The following UTRN variants were observed in gnomAD, a reference collection of about 807,000 sequenced individuals.
The protein encoded by UTRN is utrophin, also known as dystrophin-related protein 1.
In UTRN, 283 loss-of-function variants were observed where a neutral mutation model predicts 463.9. That is an observed-to-expected ratio of 0.61 (90% CI 0.55 to 0.67). The LOEUF is 0.67. UTRN is among the 30% of genes least tolerant of loss of function. The pLI, the probability that UTRN is intolerant of heterozygous loss-of-function variation, is 0.00. For missense variants in UTRN, 3,922 were observed against 4,084.3 expected, an observed-to-expected ratio of 0.96 and a Z score of 1.08; for synonymous variants, 1,442 against 1,431.5, an observed-to-expected ratio of 1.01 and a Z score of -0.17.
Position 144,286,146 on chromosome 6 carries a change from A to G in UTRN, c.-93+325A>G, listed in dbSNP as rs1007659552. On this transcript the variant is annotated intron_variant, in intron 1 of 74. Transcript: ENST00000367545. This position sits in a 1 kb window ranked among gnomAD's most constrained non-coding sequence, Gnocchi z 4.4. ...TCTGTGCTGCCTCCCTGCTCCCCTA[A>G]TCTTCCTCCCCGCCGGGGTGACAGA... Among the ~76,000 whole-genome samples the G allele has an allele frequency of 3.3e-5, 5 of 151,904 alleles. No homozygotes were observed. Among genetic ancestry groups the G allele is most frequent in the Non-Finnish European group, 5.9e-5 (4 of 67,970 alleles).
At chr6:144,650,380 G>A (rs1778685339) in intron 51 of UTRN, among the ~76,000 whole-genome samples, 1 of 152,184 alleles carries the variant, frequency 6.6e-6, no homozygotes, top group African/African-American at 2.4e-5. Flanking sequence ...TTTAAGTAGT[G>A]TGTATATGTG....
In UTRN at chr6:144,596,952, G is replaced by A. The variant is rs77660481; in HGVS notation, c.7479+19664G>A. Among the ~76,000 whole-genome samples the A allele has an allele frequency of 1.6e-3, 240 of 152,242 alleles. 7 individuals are homozygous for A. In the East Asian group the frequency reaches 0.042, roughly 27 times the overall value. On this transcript the variant is annotated intron_variant, in intron 51 of 74. Coordinates refer to ENST00000367545, the MANE Select transcript of UTRN (RefSeq NM_007124.3). ...GACAAGTGCAAAATGGCTTAAAAGT[G>A]CCTTGGCTAGGCACAGTGGCTCACA... is the stretch of plus-strand genomic sequence containing the variant.
chr6:144,458,864 G>C lies in UTRN; in HGVS notation c.2379G>C (p.Lys793Asn), dbSNP rs1404786551. 1 of 1,613,616 alleles carries C rather than the reference G, an allele frequency of 6.2e-7. No homozygotes were observed. Residue 793 changes from lysine (K) to asparagine (N), a missense_variant, in exon 20 of 75, where the codon AAG becomes AAC. Lys to Asn is a moderately conservative substitution (Grantham distance 94, BLOSUM62 0). Coordinates refer to ENST00000367545, the MANE Select transcript of UTRN (RefSeq NM_007124.3). Reference protein sequence around the residue: ...VSQHLEDLERKIQLQEDINAY... With the variant: ...VSQHLEDLERNIQLQEDINAY... Reference sequence around the variant, plus strand: ...AACATTTGGAAGATCTAGAAAGAAAGATTCAGCTACAGGAAGATATAAATG... The same window carrying C: ...AACATTTGGAAGATCTAGAAAGAAACATTCAGCTACAGGAAGATATAAATG...
intron 2 of UTRN, among the ~76,000 whole-genome samples, chr6:144,354,212 C>A (rs937539177): frequency 4.6e-5 from 7 of 152,076 alleles, no homozygotes; most frequent in Admixed American, 2.0e-4. Flanking sequence ...TAAACTGACA[C>A]CCTGACAATA....
intron 1 of UTRN, among the ~76,000 whole-genome samples, chr6:144,288,756 CTTTTTT>C (rs1197688763): frequency 2.3e-5 from 3 of 132,246 alleles, no homozygotes; most frequent in Non-Finnish European, 4.8e-5. Context: ...CTCTCTCTCT[CTTTTTT>C]TTTTTTTTTT....
chr6:144,618,272 C>G (rs1806351279), intron 51 of UTRN, among the ~76,000 whole-genome samples: 1 of 152,104 alleles, frequency 6.6e-6, no homozygotes, highest in Non-Finnish European at 1.5e-5. Flanking sequence ...CAATGCCACA[C>G]TAAATTTGGA....
intron 2 of UTRN, among the ~76,000 whole-genome samples, chr6:144,327,253 C>T (rs973312048): frequency 6.6e-6 from 1 of 152,122 alleles, no homozygotes; most frequent in South Asian, 2.1e-4. Flanking sequence ...TTTCCTGTTA[C>T]GCATTTTCCT....
intron 51 of UTRN, among the ~76,000 whole-genome samples, chr6:144,654,079 T>A (rs992750060): frequency 6.6e-6 from 1 of 152,202 alleles, no homozygotes; most frequent in Non-Finnish European, 1.5e-5. Flanking sequence ...GGTGTGTGAC[T>A]TTTTGTGGGA....
chr6:144,811,136 G>T (rs536637267), intron 65 of UTRN, among the ~76,000 whole-genome samples: 3 of 151,676 alleles, frequency 2.0e-5, no homozygotes, highest in South Asian at 4.2e-4. Flanking sequence ...TATGCCATTG[G>T]CAAAAATAAA....
chr6:144,405,936 A>G (rs1347380629), intron 3 of UTRN, among the ~76,000 whole-genome samples: 1 of 152,256 alleles, frequency 6.6e-6, no homozygotes, highest in Non-Finnish European at 1.5e-5. Context: ...CATCTGAATT[A>G]TCTCTGCCTT....
At chr6:144,421,455 C>T (rs142733049) in intron 3 of UTRN, among the ~76,000 whole-genome samples, 41,937 of 151,604 alleles carry the variant, frequency 0.28, 6,146 homozygotes, top group Admixed American at 0.37. Context: ...TTTGGGAGGC[C>T]GAGGTGGGCG....
intron 54 of UTRN, 68 bp downstream of exon 54, chr6:144,730,554 A>G: frequency 6.9e-7 from 1 of 1,446,862 alleles, no homozygotes; most frequent in Non-Finnish European, 9.1e-7. Flanking sequence ...AAAATCAAGT[A>G]GGAAATTTCC....
intron 2 of UTRN, among the ~76,000 whole-genome samples, chr6:144,385,162 GT>G (rs1351600973): frequency 6.6e-6 from 1 of 152,174 alleles, no homozygotes; most frequent in Non-Finnish European, 1.5e-5. Context: ...TGCCATTGCA[GT>G]GCTGTAATGC....
At chr6:144,599,426 T>G (rs540038532) in intron 51 of UTRN, among the ~76,000 whole-genome samples, 2 of 152,280 alleles carry the variant, frequency 1.3e-5, no homozygotes, top group South Asian at 4.1e-4. Context: ...CCTTTAACTG[T>G]GAGGAGTGAA....
At chr6:144,549,545 C>A (rs971477836) in intron 47 of UTRN, among the ~76,000 whole-genome samples, 1 of 152,144 alleles carries the variant, frequency 6.6e-6, no homozygotes, top group Non-Finnish European at 1.5e-5. Flanking sequence ...TAAGTCCACA[C>A]CGAGGCAGAG....
chr6:144,452,009 T>C (rs1460369328), intron 18 of UTRN, among the ~76,000 whole-genome samples: 1 of 152,192 alleles, frequency 6.6e-6, no homozygotes, highest in Non-Finnish European at 1.5e-5. Context: ...CTTGCAGAGC[T>C]TTTTTGTCCT....
intron 57 of UTRN, 107 bp downstream of exon 57, chr6:144,754,905 T>C: frequency 9.4e-7 from 1 of 1,066,596 alleles, no homozygotes; most frequent in Non-Finnish European, 1.4e-6. Context: ...TTTATTTAGA[T>C]AGATCCTTGT....
At position 144,516,951 on chromosome 6, in the gene UTRN, A is replaced by G; in HGVS notation, c.5541+3A>G. ...ATACTAGATACAACAAAATTAAGGT[A>G]TTATGATTGGAGAGTCTCTGTTGCA... On this transcript the variant is annotated splice_donor_region_variant and intron_variant, in intron 39 of 74. Transcript: ENST00000367545. 6.8e-7 allele frequency: 1 copy of G among 1,471,578 alleles called. No individual in the cohort carries two copies. The highest frequency in any genetic ancestry group is 9.0e-7 in the Non-Finnish European group (1 of 1,116,276). 91.2% of individuals were successfully genotyped at this position (1,471,578 alleles called of 1,614,324 possible).
intron 34 of UTRN, among the ~76,000 whole-genome samples, chr6:144,509,029 A>G (rs370003433): frequency 6.6e-6 from 1 of 152,284 alleles, no homozygotes; most frequent in African/African-American, 2.4e-5. Flanking sequence ...TTTTTGGTAT[A>G]TATCTTATAT....
Sources: allele counts gnomAD v4.1 joint callset (sites outside exome capture counted in the v4.1 genomes callset), GRCh38; gene constraint gnomAD v4.1.1; non-coding constraint Gnocchi (gnomAD v3.1); transcripts MANE v1.5; gene names NCBI Gene and HGNC (gene_info 2026-07-23, HGNC 2026-07-21).